ARSB: variants seen among roughly 807,000 people sequenced by gnomAD.
ARSB encodes the protein N-acetylgalactosamine-4-sulfatase.
Under a neutral mutation model 50.9 loss-of-function variants are expected in ARSB, and 41 were observed. That is an observed-to-expected ratio of 0.81 (90% CI 0.63 to 1.04). The LOEUF (loss-of-function observed/expected upper bound fraction) is 1.04, where lower values mean the gene tolerates loss of function less well. Among genes scored for constraint, ARSB ranks in the 50% least tolerant of loss-of-function variants. The pLI is 0.00. For synonymous variants in ARSB, 269 were observed against 284.8 expected (o/e 0.94, Z 0.56); for missense variants, 672 against 693.3 (o/e 0.97, Z 0.35).
At chr5:78,906,073 G>C (rs1420687518) in intron 4 of ARSB, among the ~76,000 whole-genome samples, 1 of 151,280 alleles carries the variant, frequency 6.6e-6, no homozygotes, top group Non-Finnish European at 1.5e-5. Context: ...AGTTAAGAAA[G>C]AAAAGGGAAA....
intron 5 of ARSB, among the ~76,000 whole-genome samples, chr5:78,875,446 T>C (rs1747437323): frequency 6.6e-6 from 1 of 152,204 alleles, no homozygotes; most frequent in African/African-American, 2.4e-5. Context: ...TACAGAATTC[T>C]TGTTAAATCC....
intron 4 of ARSB, among the ~76,000 whole-genome samples, chr5:78,928,505 G>C (rs1219836586): frequency 6.6e-6 from 1 of 151,852 alleles, no homozygotes; most frequent in Non-Finnish European, 1.5e-5. Context: ...TAGTAGAGAT[G>C]GGGTTTCGCC....
At chr5:78,938,597 T>C (rs1458289114) in intron 4 of ARSB, among the ~76,000 whole-genome samples, 2 of 152,248 alleles carry the variant, frequency 1.3e-5, no homozygotes, top group Non-Finnish European at 2.9e-5. Context: ...CTAGCACATA[T>C]AACTTTGTTC....
intron 2 of ARSB, among the ~76,000 whole-genome samples, chr5:78,968,744 G>A (rs1191745086): frequency 1.3e-5 from 2 of 152,112 alleles, no homozygotes; most frequent in Non-Finnish European, 2.9e-5. Flanking sequence ...AGAGTACAGC[G>A]GTCTCCAACG....
intron 4 of ARSB, among the ~76,000 whole-genome samples, chr5:78,930,068 T>C (rs1461045524): frequency 2.0e-5 from 3 of 152,140 alleles, no homozygotes; most frequent in African/African-American, 7.2e-5. Flanking sequence ...ACAGGGTTAT[T>C]TGCAGCCCTG....
upstream of ARSB, chr5:78,985,381 G>A: frequency 2.2e-6 from 2 of 906,330 alleles, no homozygotes; most frequent in Non-Finnish European, 1.4e-6. Context: ...GTGGGCTTGC[G>A]AGGCCGGGCG....
At chr5:78,915,158 C>T (rs1323138557) in intron 4 of ARSB, among the ~76,000 whole-genome samples, 1 of 152,194 alleles carries the variant, frequency 6.6e-6, no homozygotes, top group Non-Finnish European at 1.5e-5. Flanking sequence ...TATCAATGCG[C>T]AATCAGCTTG....
intron 4 of ARSB, among the ~76,000 whole-genome samples, chr5:78,943,100 A>C (rs892469264): frequency 6.6e-6 from 1 of 152,164 alleles, no homozygotes; most frequent in African/African-American, 2.4e-5. Context: ...CTAGGATTGC[A>C]ATCCCTGCCT....
intron 1 of ARSB, among the ~76,000 whole-genome samples, chr5:78,971,995 G>A (rs555913495): frequency 3.9e-5 from 6 of 152,354 alleles, no homozygotes; most frequent in African/African-American, 1.4e-4. Flanking sequence ...TGGGAGATGT[G>A]TCAGATACCT....
chr5:78,952,944 T>C (rs1458660080), intron 4 of ARSB, among the ~76,000 whole-genome samples: 2 of 152,206 alleles, frequency 1.3e-5, no homozygotes, highest in Non-Finnish European at 2.9e-5. Flanking sequence ...TGATTCTTTC[T>C]AGTGACTTCT....
chr5:78,967,673 T>TAA (rs35093883), intron 2 of ARSB, among the ~76,000 whole-genome samples: 3 of 120,092 alleles, frequency 2.5e-5, no homozygotes, highest in Non-Finnish European at 3.5e-5. Flanking sequence ...ACTCCGTATA[T>TAA]AAAAAAAAAA....
chr5:78,807,545 T>C lies in ARSB; in HGVS notation c.1214-25571A>G, dbSNP rs570194524. On this transcript the variant is annotated intron_variant, in intron 6 of 7. Coordinates refer to ENST00000264914, the MANE Select transcript of ARSB (RefSeq NM_000046.5). ...GAGCCTGGTTTCCAGTACCATATGC[T>C]GCTCCCCACCCCTTCCTGAGCCAAT... 1.3e-4 allele frequency among the ~76,000 whole-genome samples: 20 copies of C among 152,298 alleles called. No individual in the cohort carries two copies. In the South Asian group the frequency reaches 3.7e-3, roughly 28 times the overall value.
intron 4 of ARSB, among the ~76,000 whole-genome samples, chr5:78,924,803 G>C (rs576244622): frequency 8.7e-4 from 133 of 152,256 alleles, no homozygotes; most frequent in African/African-American, 3.2e-3. Flanking sequence ...ACTGAATTGG[G>C]GTTGAGATAA....
chr5:78,878,464 A>G (rs1747589241), intron 5 of ARSB, among the ~76,000 whole-genome samples: 1 of 152,208 alleles, frequency 6.6e-6, no homozygotes, highest in African/African-American at 2.4e-5. Flanking sequence ...AAGAACTTAA[A>G]ACCTAAAATA....
intron 6 of ARSB, among the ~76,000 whole-genome samples, chr5:78,819,334 A>G (rs1355810275): frequency 6.6e-6 from 1 of 152,246 alleles, no homozygotes; most frequent in African/African-American, 2.4e-5. Context: ...TGCCTTGGCA[A>G]AGACCAAGTG....
intron 4 of ARSB, among the ~76,000 whole-genome samples, chr5:78,897,276 GT>G (rs1323911274): frequency 6.6e-6 from 1 of 152,140 alleles, no homozygotes; most frequent in East Asian, 1.9e-4. Context: ...ACTGTGTGGG[GT>G]TATTACGGGC....
At chr5:78,839,459 CCTCT>C (rs1350351141) in intron 5 of ARSB, 33 bp from the exon 6 acceptor site, 11 of 1,566,976 alleles carry the variant, frequency 7.0e-6, no homozygotes, top group South Asian at 3.3e-5. Flanking sequence ...ATGTTAATTT[CCTCT>C]CTCTAATGGG....
At position 78,817,595 on chromosome 5, in the gene ARSB, G is replaced by C. The variant is rs531373486; in HGVS notation, c.1213+21761C>G. Among the ~76,000 whole-genome samples, 14 of 152,124 alleles carry C rather than the reference G, an allele frequency of 9.2e-5. No homozygotes were observed. In the South Asian group the frequency reaches 2.9e-3, roughly 32 times the overall value. ...AGGCCAAGAGGGGTGAATCACCTAA[G>C]GTCAGGAGTCCGAGACCAGCCTGAC... is the stretch of plus-strand genomic sequence containing the variant. On this transcript the variant is annotated intron_variant, in intron 6 of 7. Coordinates refer to ENST00000264914, the MANE Select transcript of ARSB (RefSeq NM_000046.5).
chr5:78,828,910 A>C (rs1003345994), intron 6 of ARSB, among the ~76,000 whole-genome samples: 2 of 152,248 alleles, frequency 1.3e-5, no homozygotes, highest in African/African-American at 2.4e-5. Flanking sequence ...TGTTATCACA[A>C]GAGTCCAGAA....
Sources: allele counts gnomAD v4.1 joint callset (sites outside exome capture counted in the v4.1 genomes callset), GRCh38; gene constraint gnomAD v4.1.1; transcripts MANE v1.5; gene names NCBI Gene and HGNC (gene_info 2026-07-23, HGNC 2026-07-21).